The following ZMAT1 variants were observed in gnomAD, a reference collection of about 807,000 sequenced individuals.
The protein encoded by ZMAT1 is zinc finger matrin-type 1.
A neutral mutation model predicts 18.5 loss-of-function variants in ZMAT1; 11 were observed. The ratio of observed to expected loss-of-function variants is 0.59; its 90% CI spans 0.37 to 0.98. ZMAT1 has a LOEUF of 0.98. Ranked by LOEUF, ZMAT1 falls within the 50% of genes least tolerant of loss-of-function variation. The pLI, the probability that ZMAT1 is intolerant of heterozygous loss-of-function variation, is 0.01. For missense variants in ZMAT1, 525 were observed against 496.2 expected, an observed-to-expected ratio of 1.06 and a Z score of -0.55; for synonymous variants, 211 against 176.4, an observed-to-expected ratio of 1.20 and a Z score of -1.55.
Position 101,905,068 on chromosome X carries a change from G to A in ZMAT1, c.293-738C>T, listed in dbSNP as rs1928516597. On this transcript the variant is annotated intron_variant, in intron 1 of 5. Coordinates refer to ENST00000651725, the MANE Select transcript of ZMAT1 (RefSeq NM_001394560.1). ...GACTGTCATTTGTCACAGGATTCTC[G>A]TTAAGAATCAAGAGATTTTTACCAC... Among the ~76,000 whole-genome samples the A allele has an allele frequency of 3.6e-5, 4 of 112,137 alleles. No individual in the cohort carries two copies. The South Asian group carries it at 1.5e-3, about 41-fold the overall frequency.
intron 1 of ZMAT1, among the ~76,000 whole-genome samples, chrX:101,929,481 AGAGAGAGAGAGAC>A (rs1569444106): frequency 9.8e-5 from 10 of 101,600 alleles, no homozygotes; most frequent in South Asian, 4.6e-4. Flanking sequence ...AGAGAGAGAG[AGAGAGAGAGAGAC>A]ACACAAATAT....
chrX:101,920,924 A>G (rs1929680593), intron 1 of ZMAT1, among the ~76,000 whole-genome samples: 1 of 111,221 alleles, frequency 9.0e-6, no homozygotes, highest in Non-Finnish European at 1.9e-5. Context: ...CAGCTGTCCA[A>G]TATCTATTTG....
chrX:101,917,017 T>C (rs1603283078), intron 1 of ZMAT1, among the ~76,000 whole-genome samples: 1 of 111,777 alleles, frequency 8.9e-6, no homozygotes, highest in East Asian at 2.8e-4. Flanking sequence ...GACCCCTATC[T>C]CTATATACAA....
In ZMAT1 at chrX:101,883,179, C is replaced by A. The variant is rs921506349; in HGVS notation, c.*331G>T. 12 of 141,544 alleles carry A rather than the reference C, an allele frequency of 8.5e-5. No individual in the cohort carries two copies. The highest frequency in any genetic ancestry group is 1.3e-4 in the Non-Finnish European group (10 of 74,440). The allele number at this position is 141,544 out of a possible 1,213,427, so 11.7% of individuals were successfully genotyped here. A position where few individuals can be genotyped will look rare whatever the true frequency, so the allele number is the denominator to read the frequency against. On this transcript the variant is annotated 3_prime_UTR_variant, in exon 6 of 6. Coordinates refer to ENST00000651725, the MANE Select transcript of ZMAT1 (RefSeq NM_001394560.1). ...TAAAGTCCATTTTCTTAGCTGATTT[C>A]CTCAATTAATCCTTGGGCAAACAAA...
At chrX:101,928,394 G>T (rs961855109) in intron 1 of ZMAT1, among the ~76,000 whole-genome samples, 47 of 111,984 alleles carry the variant, frequency 4.2e-4, no homozygotes, top group Non-Finnish European at 1.7e-4. Flanking sequence ...GCATCGCTCT[G>T]TTGCCCAGAC....
chrX:101,929,870 C>G (rs1203205837), intron 1 of ZMAT1, among the ~76,000 whole-genome samples: 1 of 111,259 alleles, frequency 9.0e-6, no homozygotes, highest in Non-Finnish European at 1.9e-5. Context: ...AATCAACCCT[C>G]GGAGTGTGGG....
chrX:101,929,445 A>ACACAATATATATAGAT (rs1930319048), intron 1 of ZMAT1, among the ~76,000 whole-genome samples: 1 of 86,995 alleles, frequency 1.1e-5, no homozygotes, highest in African/African-American at 4.8e-5. Flanking sequence ...ATATATATAT[A>ACACAATATATATAGAT]TATATATATA....
chrX:101,897,233 G>A (rs1038573221), intron 4 of ZMAT1, among the ~76,000 whole-genome samples: 1 of 104,130 alleles, frequency 9.6e-6, no homozygotes, highest in African/African-American at 3.5e-5. Flanking sequence ...GTAAACTATC[G>A]CAAGAACAAA....
At chrX:101,925,732 T>C (rs1325326353) in intron 1 of ZMAT1, among the ~76,000 whole-genome samples, 1 of 112,821 alleles carries the variant, frequency 8.9e-6, no homozygotes, top group African/African-American at 3.2e-5. Flanking sequence ...CTTAATATTA[T>C]ACATAATCAT....
chrX:101,892,422 G>C (rs1927480411), intron 4 of ZMAT1, among the ~76,000 whole-genome samples: 1 of 111,374 alleles, frequency 9.0e-6, no homozygotes, highest in Non-Finnish European at 1.9e-5. Flanking sequence ...GCTACAGAAA[G>C]GAGAAATAGT....
rs1157984442 is a variant in ZMAT1 at position 101,901,963 on chromosome X, T to C, written c.399+2261A>G. On this transcript the variant is annotated intron_variant, in intron 2 of 5. Transcript: ENST00000651725. ...CACAAGCATTGCTGCAATTAACATA[T>C]ATAAATAGATCTCCCAATATACATG... 3.6e-5 allele frequency among the ~76,000 whole-genome samples: 4 copies of C among 112,041 alleles called. No homozygotes were observed. The East Asian group carries it at 1.1e-3, about 31-fold the overall frequency.
At chrX:101,903,404 T>C (rs1325975958) in intron 2 of ZMAT1, among the ~76,000 whole-genome samples, 1 of 112,126 alleles carries the variant, frequency 8.9e-6, no homozygotes, top group Non-Finnish European at 1.9e-5. Flanking sequence ...TCTGTAATTA[T>C]AGTAAATTAA....
chrX:101,912,109 T>C, intron 1 of ZMAT1: 1 of 975,392 alleles, frequency 1.0e-6, no homozygotes, highest in Non-Finnish European at 1.4e-6. Context: ...TGGGAAGACC[T>C]TAAGCCATAG....
In ZMAT1 at chrX:101,886,817, T is replaced by C. The variant is rs777328543; in HGVS notation, c.677-86A>G. 179 of 651,438 alleles carry C rather than the reference T, an allele frequency of 2.7e-4. 1 individual carries two copies. In the African/African-American group the frequency reaches 3.7e-3, roughly 14 times the overall value. The allele number at this position is 651,438 out of a possible 1,213,427, so 53.7% of individuals were successfully genotyped here. A position where few individuals can be genotyped will look rare whatever the true frequency, so the allele number is the denominator to read the frequency against. On this transcript the variant is annotated intron_variant, in intron 4 of 5. Coordinates refer to ENST00000651725, the MANE Select transcript of ZMAT1 (RefSeq NM_001394560.1). Reference sequence around the variant, plus strand: ...TGTTAGAACTGGACCAAAAATTTATTAGAGACCATCTACTTGACATTTTCC... The same window carrying C: ...TGTTAGAACTGGACCAAAAATTTATCAGAGACCATCTACTTGACATTTTCC...
intron 1 of ZMAT1, among the ~76,000 whole-genome samples, chrX:101,909,216 G>A (rs750056564): frequency 9.1e-5 from 10 of 109,999 alleles, no homozygotes; most frequent in South Asian, 4.0e-4. Context: ...TCCTTACAGC[G>A]TTCATCATCT....
At chrX:101,915,719 G>A (rs1929279499) in intron 1 of ZMAT1, 2 of 112,006 alleles carry the variant, frequency 1.8e-5, no homozygotes, top group African/African-American at 6.5e-5. Flanking sequence ...TCATAATGGT[G>A]ATTACTAAAA....
chrX:101,885,126 A>G (rs960913728), intron 5 of ZMAT1, among the ~76,000 whole-genome samples: 1 of 110,588 alleles, frequency 9.0e-6, no homozygotes, highest in Non-Finnish European at 1.9e-5. Flanking sequence ...AAGAAAAGGA[A>G]ATTTCCTTTG....
At chrX:101,914,730 C>G (rs1160904134) in intron 1 of ZMAT1, among the ~76,000 whole-genome samples, 1 of 110,870 alleles carries the variant, frequency 9.0e-6, no homozygotes, top group Non-Finnish European at 1.9e-5. Flanking sequence ...AAAGAAAAGC[C>G]CGGGACCTAA....
chrX:101,894,419 A>G (rs1283175646), intron 4 of ZMAT1: 1 of 750,767 alleles, frequency 1.3e-6, no homozygotes, highest in Non-Finnish European at 1.6e-6. Context: ...AAATATATGA[A>G]GTTAAGAAGG....
Sources: gnomAD v4.1 joint callset for allele counts (sites outside exome capture counted in the v4.1 genomes callset) on GRCh38, gnomAD v4.1.1 for gene constraint, MANE v1.5 for transcripts, NCBI Gene and HGNC (gene_info 2026-07-23, HGNC 2026-07-21) for gene names.